The following ZDHHC17 variants were observed in gnomAD, a reference collection of about 807,000 sequenced individuals.
The protein encoded by ZDHHC17 is palmitoyltransferase ZDHHC17.
In ZDHHC17, 40 loss-of-function variants were observed where a neutral mutation model predicts 90.3. The observed-to-expected ratio is 0.44, with a 90% CI of 0.34 to 0.58. The LOEUF (loss-of-function observed/expected upper bound fraction) is 0.58, where lower values mean the gene tolerates loss of function less well. ZDHHC17 is among the 20% of genes least tolerant of loss of function. The pLI, the probability that ZDHHC17 is intolerant of heterozygous loss-of-function variation, is 0.01. For synonymous variants in ZDHHC17, 235 were observed against 252.4 expected (o/e 0.93, Z 0.65); for missense variants, 614 against 780.8 (o/e 0.79, Z 2.55).
intron 9 of ZDHHC17, 22 bp downstream of exon 9, chr12:76,827,072 A>G (rs1167233536): frequency 1.3e-6 from 2 of 1,544,728 alleles, no homozygotes; most frequent in East Asian, 4.9e-5. Flanking sequence ...GTTTTTAACT[A>G]TATTTTAAAC....
chr12:76,844,636 A>G (rs1056981443), intron 12 of ZDHHC17: 1 of 152,186 alleles, frequency 6.6e-6, no homozygotes, highest in African/African-American at 2.4e-5. Flanking sequence ...GCCTTCTCCT[A>G]AGTAGATTTA....
intron 1 of ZDHHC17, among the ~76,000 whole-genome samples, chr12:76,774,260 ATGTGTG>A (rs1402270012): frequency 1.3e-5 from 1 of 78,830 alleles, no homozygotes; most frequent in African/African-American, 4.4e-5. Context: ...AAAATAAAGA[ATGTGTG>A]TGTATGTGTA....
chr12:76,796,844 G>C (rs1231745718), intron 1 of ZDHHC17, among the ~76,000 whole-genome samples: 1 of 152,200 alleles, frequency 6.6e-6, no homozygotes, highest in Non-Finnish European at 1.5e-5. Flanking sequence ...GATGAGGTAA[G>C]AGAGTTCTGT....
intron 10 of ZDHHC17, among the ~76,000 whole-genome samples, chr12:76,830,460 A>G (rs938518959): frequency 1.6e-5 from 2 of 127,138 alleles, no homozygotes; most frequent in Non-Finnish European, 3.4e-5. Context: ...TAGTTTAAGT[A>G]TCTATTGAAA....
At chr12:76,821,028 T>A in intron 7 of ZDHHC17, 3 of 1,259,118 alleles carry the variant, frequency 2.4e-6, no homozygotes, top group Non-Finnish European at 3.1e-6. Context: ...TTGAAAGATA[T>A]TTTAAAGCTC....
chr12:76,815,949 T>C lies in ZDHHC17; in HGVS notation c.701T>C (p.Leu234Pro), dbSNP rs1294601166. ...AACACTGCTCTGCATTGGGCAGTGC[T>C]AGCAGGGAATACCACAGTCATTAGC... ...HKNTALHWAV[L>P]AGNTTVISLL... Residue 234 changes from leucine (L) to proline (P), a missense_variant, in exon 7 of 17, where the codon CTA becomes CCA. Leu to Pro is a moderately conservative substitution (Grantham distance 98). Transcript: ENST00000426126. 1.9e-6 allele frequency: 3 copies of C among 1,583,370 alleles called. No homozygotes were observed. Among genetic ancestry groups the C allele is most frequent in the Non-Finnish European group, 2.6e-6 (3 of 1,163,432 alleles).
chr12:76,849,709 G>C lies in ZDHHC17; in HGVS notation c.1760+239G>C, dbSNP rs146535116. ...TTAATTTTAAATTTGTATTCAGTCT[G>C]GTGCTTAGAAATAGTAGGGTCCTAA... On this transcript the variant is annotated intron_variant, in intron 16 of 16. Coordinates refer to ENST00000426126, the MANE Select transcript of ZDHHC17 (RefSeq NM_015336.4). 226 of 290,126 alleles carry C rather than the reference G, an allele frequency of 7.8e-4. 3 individuals carry two copies. The East Asian group carries it at 0.017, about 22-fold the overall frequency. 18.0% of individuals were successfully genotyped at this position (290,126 alleles called of 1,614,324 possible). A position where few individuals can be genotyped will look rare whatever the true frequency, so the allele number is the denominator to read the frequency against.
intron 1 of ZDHHC17, among the ~76,000 whole-genome samples, chr12:76,791,486 C>A (rs769100105): frequency 1.3e-5 from 2 of 151,912 alleles, no homozygotes; most frequent in Non-Finnish European, 2.9e-5. Context: ...TATACGTATG[C>A]TTTTTGTTTT....
At chr12:76,797,941 CCACACA>C (rs60610921) in intron 2 of ZDHHC17, among the ~76,000 whole-genome samples, 7,619 of 147,412 alleles carry the variant, frequency 0.052, 438 homozygotes, top group African/African-American at 0.14. Context: ...TGAAACTCTG[CCACACA>C]CACACACACA....
At chr12:76,776,316 A>G (rs1419049486) in intron 1 of ZDHHC17, among the ~76,000 whole-genome samples, 2 of 152,136 alleles carry the variant, frequency 1.3e-5, no homozygotes, top group African/African-American at 4.8e-5. Context: ...TTATTGTAAA[A>G]AATTTAAGTA....
intron 10 of ZDHHC17, among the ~76,000 whole-genome samples, chr12:76,829,816 A>G (rs1035334136): frequency 2.6e-5 from 4 of 152,314 alleles, no homozygotes; most frequent in Non-Finnish European, 4.4e-5. Flanking sequence ...GCAAATTAAC[A>G]GTGTAGTATA....
At chr12:76,797,205 G>C (rs1269759984) in intron 1 of ZDHHC17, among the ~76,000 whole-genome samples, 1 of 152,132 alleles carries the variant, frequency 6.6e-6, no homozygotes, top group Non-Finnish European at 1.5e-5. Flanking sequence ...AGAGGTTGTA[G>C]GGAGCCGAGA....
intron 2 of ZDHHC17, among the ~76,000 whole-genome samples, chr12:76,802,815 A>T (rs1166263403): frequency 6.6e-6 from 1 of 152,206 alleles, no homozygotes; most frequent in East Asian, 1.9e-4. Context: ...TCTTTTTATG[A>T]GTGCAGGTGC....
At chr12:76,772,434 A>G (rs1249399490) in intron 1 of ZDHHC17, among the ~76,000 whole-genome samples, 1 of 151,942 alleles carries the variant, frequency 6.6e-6, no homozygotes, top group African/African-American at 2.4e-5. Context: ...TACACTTGTT[A>G]TGGTAGATGA....
intron 1 of ZDHHC17, 46 bp from the exon 2 acceptor site, chr12:76,797,388 A>G (rs1319795133): frequency 7.4e-7 from 1 of 1,352,742 alleles, no homozygotes; most frequent in Non-Finnish European, 1.0e-6. Context: ...TATTTTCTGT[A>G]CCTCTTTTTT....
chr12:76,837,108 C>T (rs1397944097), intron 10 of ZDHHC17, among the ~76,000 whole-genome samples: 1 of 152,098 alleles, frequency 6.6e-6, no homozygotes, highest in Non-Finnish European at 1.5e-5. Flanking sequence ...TTCTTACTAA[C>T]AGCTCAGCAA....
intron 10 of ZDHHC17, among the ~76,000 whole-genome samples, chr12:76,829,468 A>C (rs12810859): frequency 9.1e-6 from 1 of 109,632 alleles, no homozygotes; most frequent in Non-Finnish European, 2.3e-5. Flanking sequence ...AAAAAAAAAA[A>C]AAAAAAAAAA....
chr12:76,822,329 A>G (rs1953173341), intron 7 of ZDHHC17, 77 bp from the exon 8 acceptor site: 5 of 1,544,186 alleles, frequency 3.2e-6, no homozygotes, highest in African/African-American at 1.4e-5. Flanking sequence ...ATTAATTTTT[A>G]TAGAAGTTCT....
At chr12:76,846,056 C>G (rs908215186) in intron 13 of ZDHHC17, among the ~76,000 whole-genome samples, 1 of 151,098 alleles carries the variant, frequency 6.6e-6, no homozygotes, top group African/African-American at 2.4e-5. Context: ...TTTTTTTTTT[C>G]TAGTTAAACT....
Sources: gnomAD v4.1 joint callset for allele counts (sites outside exome capture counted in the v4.1 genomes callset) on GRCh38, gnomAD v4.1.1 for gene constraint, MANE v1.5 for transcripts, NCBI Gene and HGNC (gene_info 2026-07-23, HGNC 2026-07-21) for gene names.